The following CDADC1 variants were observed in gnomAD, a reference collection of about 807,000 sequenced individuals.
The protein encoded by CDADC1 is dCTP deaminase.
In CDADC1, 39 loss-of-function variants were observed where a neutral mutation model predicts 54.9. That is an observed-to-expected ratio of 0.71 (90% CI 0.55 to 0.93). The LOEUF is 0.93. Among genes scored for constraint, CDADC1 ranks in the 40% least tolerant of loss-of-function variants. CDADC1 has a pLI of 0.00. For synonymous variants in CDADC1, 186 were observed against 204.0 expected (o/e 0.91, Z 0.75); for missense variants, 518 against 618.8 (o/e 0.84, Z 1.73).
rs1952845881 is a variant in CDADC1 at position 49,267,622 on chromosome 13, T to C, written c.563T>C (p.Val188Ala). The C allele has an allele frequency of 6.2e-7, 1 of 1,614,208 alleles. No individual in the cohort carries two copies. The highest frequency in any genetic ancestry group is 2.2e-5 in the East Asian group (1 of 44,880). Reference sequence around the variant, plus strand: ...TTGAAGTCAAACAGTCGGGCCCATGTGTGTGTCTTACTTCAACCTTTGGTG... The same window carrying C: ...TTGAAGTCAAACAGTCGGGCCCATGCGTGTGTCTTACTTCAACCTTTGGTG... ...ERLKSNSRAH[V>A]CVLLQPLVCY... is the part of the protein sequence containing the mutation. The change falls in exon 5 of 10, where the codon GTG becomes GCG. Residue 188 changes from valine (V) to alanine (A), a missense_variant. Transcript: ENST00000251108.
At chr13:49,281,087 G>A (rs1336163597) in intron 8 of CDADC1, among the ~76,000 whole-genome samples, 1 of 152,018 alleles carries the variant, frequency 6.6e-6, no homozygotes, top group Non-Finnish European at 1.5e-5. Context: ...GCCCGCCTCC[G>A]TCTCCCAAAG....
At chr13:49,257,978 A>T (rs781577379) in intron 3 of CDADC1, among the ~76,000 whole-genome samples, 1 of 152,216 alleles carries the variant, frequency 6.6e-6, no homozygotes, top group Non-Finnish European at 1.5e-5. Flanking sequence ...GCCAATATAG[A>T]TAGGTTTTTC....
At position 49,259,480 on chromosome 13, in the gene CDADC1, T is replaced by G; in HGVS notation, c.387T>G (p.Phe129Leu). 3 of 1,614,092 alleles carry G rather than the reference T, an allele frequency of 1.9e-6. No homozygotes were observed. The highest frequency in any genetic ancestry group is 2.5e-6 in the Non-Finnish European group (3 of 1,180,004). Reference sequence around the variant, plus strand: ...GGCTGAAAAACTGTGATCTTTATTTTTCCAGAAAACCATGTTCTGCTTGTT... The same window carrying G: ...GGCTGAAAAACTGTGATCTTTATTTGTCCAGAAAACCATGTTCTGCTTGTT... ...GSRLKNCDLY[F>L]SRKPCSACLK... Residue 129 changes from phenylalanine (F) to leucine (L), a missense_variant, in exon 4 of 10, where the codon TTT becomes TTG. Phe to Leu is a conservative substitution (Grantham distance 22). Coordinates refer to ENST00000251108, the MANE Select transcript of CDADC1 (RefSeq NM_030911.4).
chr13:49,251,557 T>G (rs188052790), intron 2 of CDADC1, among the ~76,000 whole-genome samples: 6 of 152,300 alleles, frequency 3.9e-5, no homozygotes, highest in African/African-American at 1.4e-4. Context: ...AAATTAAGTT[T>G]TTTTTTTCAA....
At chr13:49,249,086 C>A in intron 2 of CDADC1, 121 bp downstream of exon 2, 5 of 647,618 alleles carry the variant, frequency 7.7e-6, no homozygotes, top group Middle Eastern at 3.1e-4. Flanking sequence ...TAAAAAATAT[C>A]TTTATTGATT....
At chr13:49,274,185 T>G (rs995202333) in intron 5 of CDADC1, 106 bp from the exon 6 acceptor site, 57 of 792,584 alleles carry the variant, frequency 7.2e-5, no homozygotes, top group Admixed American at 3.3e-4. Context: ...TGCTGCTACA[T>G]TTATGAAGTA....
At chr13:49,268,081 T>C in intron 5 of CDADC1, 22 bp downstream of exon 5, 1 of 1,545,538 alleles carries the variant, frequency 6.5e-7, no homozygotes, top group South Asian at 1.1e-5. Context: ...AGATCGTAAA[T>C]TGGGGCTGAT....
At position 49,291,886 on chromosome 13, in the gene CDADC1, TTA is replaced by T; in HGVS notation, c.*131_*132del. 1.4e-6 allele frequency: 2 copies of T among 1,439,536 alleles called. No individual in the cohort carries two copies. Among genetic ancestry groups the T allele is most frequent in the Non-Finnish European group, 9.1e-7 (1 of 1,094,934 alleles). The allele number at this position is 1,439,536 out of a possible 1,614,324, so 89.2% of individuals were successfully genotyped here. ...GAAAAGATTTTTTAAGGAAGCTAAT[TTA>T]TTTCTAGGATACAAATGGTGTTAAT... On this transcript the variant is annotated 3_prime_UTR_variant, in exon 10 of 10. Coordinates refer to ENST00000251108, the MANE Select transcript of CDADC1 (RefSeq NM_030911.4).
intron 6 of CDADC1, among the ~76,000 whole-genome samples, chr13:49,276,320 T>C (rs1953132412): frequency 6.6e-6 from 1 of 152,042 alleles, no homozygotes; most frequent in South Asian, 2.1e-4. Context: ...GCATTATAAA[T>C]AGAATGAGGT....
Position 49,292,170 on chromosome 13 carries a change from C to G in CDADC1, c.*413C>G. 2.0e-6 allele frequency: 2 copies of G among 1,002,516 alleles called. No homozygotes were observed. The highest frequency in any genetic ancestry group is 2.4e-6 in the Non-Finnish European group (2 of 839,020). 62.1% of individuals were successfully genotyped at this position (1,002,516 alleles called of 1,614,324 possible). A position where few individuals can be genotyped will look rare whatever the true frequency, so the allele number is the denominator to read the frequency against. Reference sequence around the variant, plus strand: ...CAAGAGTGACAGTTAGTAAACTGCTCCAGGGAAATAAGTGTCATCTTTTAA... The same window carrying G: ...CAAGAGTGACAGTTAGTAAACTGCTGCAGGGAAATAAGTGTCATCTTTTAA... On this transcript the variant is annotated 3_prime_UTR_variant, in exon 10 of 10. Coordinates refer to ENST00000251108, the MANE Select transcript of CDADC1 (RefSeq NM_030911.4).
At chr13:49,273,183 T>G (rs1331782155) in intron 5 of CDADC1, among the ~76,000 whole-genome samples, 1 of 152,362 alleles carries the variant, frequency 6.6e-6, no homozygotes, top group East Asian at 1.9e-4. Context: ...TTAATGCAAT[T>G]GTGGCACAAA....
At position 49,292,254 on chromosome 13, in the gene CDADC1, G is replaced by C; in HGVS notation, c.*497G>C. 1 of 978,518 alleles carries C rather than the reference G, an allele frequency of 1.0e-6. No homozygotes were observed. The highest frequency in any genetic ancestry group is 1.7e-5 in the African/African-American group (1 of 57,190). The allele number at this position is 978,518 out of a possible 1,614,324, so 60.6% of individuals were successfully genotyped here. A position where few individuals can be genotyped will look rare whatever the true frequency, so the allele number is the denominator to read the frequency against. ...TATACCCAAAGCTTTCTAGTAATCA[G>C]AATTTACTTAATTAGAATTGACTCA... On this transcript the variant is annotated 3_prime_UTR_variant, in exon 10 of 10. Transcript: ENST00000251108.
intron 3 of CDADC1, 33 bp downstream of exon 3, chr13:49,255,946 A>T: frequency 1.3e-6 from 2 of 1,594,582 alleles, no homozygotes; most frequent in Non-Finnish European, 1.7e-6. Context: ...ATATATGCTC[A>T]TAATAACAAA....
Position 49,266,634 on chromosome 13 carries a change from T to G in CDADC1, c.431-856T>G, listed in dbSNP as rs1200572894. Among the ~76,000 whole-genome samples the G allele has an allele frequency of 2.0e-5, 3 of 152,348 alleles. No individual in the cohort carries two copies. In the South Asian group the frequency reaches 6.2e-4, roughly 32 times the overall value. ...GACATATTTGATAACTGTTTTATTATGAGGAGGACCATAATTAATTCAACC... is the reference window on the plus strand; with the variant it reads ...GACATATTTGATAACTGTTTTATTAGGAGGAGGACCATAATTAATTCAACC... On this transcript the variant is annotated intron_variant, in intron 4 of 9. Transcript: ENST00000251108.
intron 6 of CDADC1, among the ~76,000 whole-genome samples, chr13:49,276,393 G>A (rs1953134557): frequency 6.6e-6 from 1 of 152,160 alleles, no homozygotes; most frequent in African/African-American, 2.4e-5. Flanking sequence ...TGTGGGGATG[G>A]GTTAGGAGGC....
At chr13:49,258,733 C>T (rs1952604690) in intron 3 of CDADC1, among the ~76,000 whole-genome samples, 1 of 152,168 alleles carries the variant, frequency 6.6e-6, no homozygotes, top group Non-Finnish European at 1.5e-5. Flanking sequence ...TTATAACTTA[C>T]CTATAGTAGG....
intron 4 of CDADC1, among the ~76,000 whole-genome samples, chr13:49,265,101 A>G (rs1450614052): frequency 1.3e-5 from 2 of 152,218 alleles, no homozygotes; most frequent in Non-Finnish European, 2.9e-5. Context: ...TATCACTCCT[A>G]TAGTACAGGG....
chr13:49,257,435 T>C (rs907724094), intron 3 of CDADC1, among the ~76,000 whole-genome samples: 1 of 152,210 alleles, frequency 6.6e-6, no homozygotes, highest in Non-Finnish European at 1.5e-5. Context: ...ATAGGAGCTC[T>C]GTCAAGATCT....
Position 49,259,532 on chromosome 13 carries a change from A to G in CDADC1, c.430+9A>G, listed in dbSNP as rs1382654305. 1 of 1,612,752 alleles carries G rather than the reference A, an allele frequency of 6.2e-7. No homozygotes were observed. The highest frequency in any genetic ancestry group is 1.3e-5 in the African/African-American group (1 of 74,884). On this transcript the variant is annotated intron_variant, in intron 4 of 9. Coordinates refer to ENST00000251108, the MANE Select transcript of CDADC1 (RefSeq NM_030911.4). Reference sequence around the variant, plus strand: ...GAAAATGATTGTAAATGGTAAGTGCAGAAAAGGGTTTGTTGGGGATTAAGA... The same window carrying G: ...GAAAATGATTGTAAATGGTAAGTGCGGAAAAGGGTTTGTTGGGGATTAAGA...
Sources: gnomAD v4.1 joint callset for allele counts (sites outside exome capture counted in the v4.1 genomes callset) on GRCh38, gnomAD v4.1.1 for gene constraint, MANE v1.5 for transcripts, NCBI Gene and HGNC (gene_info 2026-07-23, HGNC 2026-07-21) for gene names.